Variants in CCDC178 observed in about 807,000 individuals in gnomAD.
CCDC178 encodes the protein coiled-coil domain-containing protein 178.
In CCDC178, 126 loss-of-function variants were observed where a neutral mutation model predicts 117.4. That is an observed-to-expected ratio of 1.07 (90% CI 0.93 to 1.24). The LOEUF (loss-of-function observed/expected upper bound fraction) is 1.24, where lower values mean the gene tolerates loss of function less well. Ranked by LOEUF, CCDC178 falls within the 50% of genes most tolerant of loss-of-function variation. The pLI is 0.00. For missense variants in CCDC178, 1,030 were observed against 986.9 expected (o/e 1.04, Z -0.59); for synonymous variants, 283 against 313.4 (o/e 0.90, Z 1.02).
intron 20 of CCDC178, among the ~76,000 whole-genome samples, chr18:33,185,840 T>C (rs1038497244): frequency 4.6e-5 from 7 of 152,048 alleles, no homozygotes; most frequent in Admixed American, 2.0e-4. Flanking sequence ...TATGGGTCAG[T>C]AGTTTCCAAC....
chr18:33,348,876 A>G lies in CCDC178; in HGVS notation c.457+14T>C, dbSNP rs1599201674. The G allele has an allele frequency of 1.3e-6, 2 of 1,543,984 alleles. No homozygotes were observed. Among genetic ancestry groups the G allele is most frequent in the Non-Finnish European group, 1.8e-6 (2 of 1,118,058 alleles). ...AAATATATACAGTTATTCAAGTAGG[A>G]GGAACAACTTTACCTCTCTTTTCTC... On this transcript the variant is annotated intron_variant, in intron 8 of 22. Transcript: ENST00000383096.
chr18:33,197,714 G>A (rs545973399), intron 20 of CCDC178, among the ~76,000 whole-genome samples: 7 of 151,628 alleles, frequency 4.6e-5, no homozygotes, highest in Admixed American at 1.3e-4. Context: ...TTATCTTAAA[G>A]TTGTTCTATT....
intron 21 of CCDC178, among the ~76,000 whole-genome samples, chr18:33,015,843 A>G (rs2055977385): frequency 6.6e-6 from 1 of 152,228 alleles, no homozygotes; most frequent in South Asian, 2.1e-4. Flanking sequence ...GTTAAAAAGT[A>G]TAATGACTAA....
At chr18:33,241,429 CGTGTGTGTGTGTGTGTGTGTGTGT>C (rs60878431) in intron 15 of CCDC178, among the ~76,000 whole-genome samples, 5 of 145,018 alleles carry the variant, frequency 3.4e-5, no homozygotes, top group African/African-American at 1.3e-4. Context: ...ATTATATGAT[CGTGTGTGTGTGTGTGTGTGTGTGT>C]GTGTGTGTGT....
chr18:33,049,798 T>C (rs1187872455), intron 21 of CCDC178, among the ~76,000 whole-genome samples: 4 of 152,116 alleles, frequency 2.6e-5, no homozygotes, highest in Non-Finnish European at 5.9e-5. Flanking sequence ...ATTTTAAGAA[T>C]AAGGCCAGGC....
At chr18:33,231,743 C>T (rs1165507056) in intron 15 of CCDC178, among the ~76,000 whole-genome samples, 1 of 152,088 alleles carries the variant, frequency 6.6e-6, no homozygotes, top group Non-Finnish European at 1.5e-5. Context: ...TGGGGAGGTT[C>T]TCTGCCCACA....
chr18:33,352,679 G>A (rs1242732811), intron 7 of CCDC178, among the ~76,000 whole-genome samples: 1 of 151,972 alleles, frequency 6.6e-6, no homozygotes, highest in East Asian at 1.9e-4. Flanking sequence ...TCATTGGTTT[G>A]TAAAACATGA....
At chr18:33,220,114 T>C (rs1256853426) in intron 18 of CCDC178, among the ~76,000 whole-genome samples, 1 of 151,962 alleles carries the variant, frequency 6.6e-6, no homozygotes, top group Non-Finnish European at 1.5e-5. Flanking sequence ...AATTTAGATG[T>C]CAGGTAGGAA....
At position 33,284,375 on chromosome 18, in the gene CCDC178, A is replaced by T. The variant is rs189810178; in HGVS notation, c.1176+8784T>A. Among the ~76,000 whole-genome samples, 15 of 152,294 alleles carry T rather than the reference A, an allele frequency of 9.8e-5. No individual in the cohort carries two copies. The East Asian group carries it at 2.9e-3, about 29-fold the overall frequency. On this transcript the variant is annotated intron_variant, in intron 12 of 22. Transcript: ENST00000383096. ...GGTTACCTATGTAACAAACCTACAC[A>T]CGTATCCCTGAACTTAAAAGTTAAA...
chr18:32,963,797 A>AAAAT (rs2054755607), intron 22 of CCDC178, among the ~76,000 whole-genome samples: 1 of 152,064 alleles, frequency 6.6e-6, no homozygotes, highest in Admixed American at 6.6e-5. Context: ...AGCTCTTTAA[A>AAAAT]GACAGAGAGT....
intron 20 of CCDC178, among the ~76,000 whole-genome samples, chr18:33,181,806 A>G (rs767449517): frequency 7.2e-5 from 11 of 151,852 alleles, no homozygotes; most frequent in Non-Finnish European, 1.6e-4. Context: ...CATAAACTTT[A>G]TTAATTTCTT....
intron 9 of CCDC178, among the ~76,000 whole-genome samples, chr18:33,344,803 GCACACACACACACA>G (rs63067861): frequency 1.7e-3 from 206 of 120,874 alleles, no homozygotes; most frequent in African/African-American, 5.4e-3. Context: ...TGCCTCTAAA[GCACACACACACACA>G]CACACACACA....
intron 22 of CCDC178, among the ~76,000 whole-genome samples, chr18:32,950,167 C>A (rs890012226): frequency 6.6e-6 from 1 of 152,180 alleles, no homozygotes; most frequent in Non-Finnish European, 1.5e-5. Context: ...CCAAGGGAGA[C>A]TTCTGTAAAC....
intron 20 of CCDC178, among the ~76,000 whole-genome samples, chr18:33,103,722 A>T (rs2057662930): frequency 6.6e-6 from 1 of 151,780 alleles, no homozygotes; most frequent in Non-Finnish European, 1.5e-5. Context: ...TTTAATTAAA[A>T]GTGGTTCATA....
intron 20 of CCDC178, among the ~76,000 whole-genome samples, chr18:33,117,969 T>A (rs546346091): frequency 1.1e-4 from 16 of 152,164 alleles, no homozygotes; most frequent in African/African-American, 3.4e-4. Flanking sequence ...AGCAGCCCAA[T>A]TTCCCCAGGG....
At chr18:33,394,943 GTATATATATA>G (rs61298209) in intron 4 of CCDC178, among the ~76,000 whole-genome samples, 617 of 61,516 alleles carry the variant, frequency 0.01, 8 homozygotes, top group African/African-American at 0.022. Flanking sequence ...ATATGTATGT[GTATATATATA>G]TATATATATA....
intron 11 of CCDC178, among the ~76,000 whole-genome samples, chr18:33,322,802 A>G (rs926723871): frequency 1.3e-5 from 2 of 151,464 alleles, no homozygotes; most frequent in African/African-American, 2.4e-5. Context: ...AATGTTATCT[A>G]GGTTGTGAAA....
chr18:33,075,567 T>C (rs1448619809), intron 21 of CCDC178, among the ~76,000 whole-genome samples: 1 of 152,096 alleles, frequency 6.6e-6, no homozygotes, highest in African/African-American at 2.4e-5. Flanking sequence ...AAATTAAAAA[T>C]AAAAATTTTT....
At chr18:33,192,671 T>A (rs372985482) in intron 20 of CCDC178, among the ~76,000 whole-genome samples, 16 of 146,300 alleles carry the variant, frequency 1.1e-4, no homozygotes, top group African/African-American at 3.8e-4. Flanking sequence ...GAGGCCGAGG[T>A]GGGCGGATCA....
Sources: allele counts gnomAD v4.1 joint callset (sites outside exome capture counted in the v4.1 genomes callset), GRCh38; gene constraint gnomAD v4.1.1; transcripts MANE v1.5; gene names NCBI Gene and HGNC (gene_info 2026-07-23, HGNC 2026-07-21).